Variants in LRRCC1 observed in about 807,000 individuals in gnomAD.
The protein encoded by LRRCC1 is leucine-rich repeat and coiled-coil domain-containing protein 1.
Under a neutral mutation model 126.0 loss-of-function variants are expected in LRRCC1, and 115 were observed. That is an observed-to-expected ratio of 0.91 (90% CI 0.78 to 1.07). LRRCC1 has a LOEUF of 1.07. Among genes scored for constraint, LRRCC1 ranks in the 50% least tolerant of loss-of-function variants. LRRCC1 has a pLI of 0.00. For missense variants in LRRCC1, 1,172 were observed against 1,175.7 expected (o/e 1.00, Z 0.05); for synonymous variants, 400 against 393.4 (o/e 1.02, Z -0.20).
intron 12 of LRRCC1, among the ~76,000 whole-genome samples, chr8:85,134,465 G>A (rs1810714601): frequency 6.6e-6 from 1 of 152,024 alleles, no homozygotes; most frequent in African/African-American, 2.4e-5. Flanking sequence ...TTTTACAGGT[G>A]TGCACCACCA....
chr8:85,120,543 C>T (rs1165557507), intron 6 of LRRCC1, among the ~76,000 whole-genome samples: 1 of 152,188 alleles, frequency 6.6e-6, no homozygotes, highest in African/African-American at 2.4e-5. Flanking sequence ...TATTCACTTA[C>T]CATGTGGTTC....
intron 5 of LRRCC1, 50 bp downstream of exon 5, chr8:85,115,325 C>A (rs1294029835): frequency 1.9e-6 from 3 of 1,562,856 alleles, no homozygotes; most frequent in African/African-American, 2.8e-5. Flanking sequence ...CTTCAAATTT[C>A]AATAAGTGAA....
intron 18 of LRRCC1, among the ~76,000 whole-genome samples, chr8:85,144,912 TAA>T (rs1236932924): frequency 7.0e-6 from 1 of 143,736 alleles, no homozygotes; most frequent in Non-Finnish European, 1.5e-5. Context: ...CTACTAAAAA[TAA>T]AAAAAAAATA....
chr8:85,126,576 C>A, intron 8 of LRRCC1, 113 bp from the exon 9 acceptor site: 1 of 862,914 alleles, frequency 1.2e-6, no homozygotes, highest in Non-Finnish European at 1.7e-6. Flanking sequence ...AAAAGTTTCA[C>A]TGTAGCTCTT....
chr8:85,127,948 C>G (rs187327328), intron 9 of LRRCC1, among the ~76,000 whole-genome samples: 227 of 152,278 alleles, frequency 1.5e-3, no homozygotes, highest in Middle Eastern at 3.4e-3. Flanking sequence ...AAACAGCACT[C>G]CTGCTTTCAG....
Position 85,115,104 on chromosome 8 carries a change from C to A in LRRCC1, c.549C>A (p.Tyr183Ter). ...TTTGAATGATTTGTTTCCAAGGGTACAGAGCAGTTATTCTCCAGACTTTGC... is the reference window on the plus strand; with the variant it reads ...TTTGAATGATTTGTTTCCAAGGGTAAAGAGCAGTTATTCTCCAGACTTTGC... ...DDNPVCRLPG[Y>*]RAVILQTLPQ... Residue 183 changes from tyrosine (Y) to a stop codon, truncating the protein, a stop_gained, in exon 5 of 19, where the codon TAC becomes TAA. Coordinates refer to ENST00000360375, the MANE Select transcript of LRRCC1 (RefSeq NM_033402.5). LOFTEE classifies it high-confidence loss of function. 6.3e-7 allele frequency: 1 copy of A among 1,592,370 alleles called. No individual in the cohort carries two copies. Among genetic ancestry groups the A allele is most frequent in the Non-Finnish European group, 8.5e-7 (1 of 1,171,782 alleles).
chr8:85,112,854 C>A (rs1808827479), intron 3 of LRRCC1, 78 bp from the exon 4 acceptor site: 3 of 1,073,606 alleles, frequency 2.8e-6, no homozygotes, highest in East Asian at 2.6e-5. Context: ...AAAAGTATAA[C>A]CTATCTAGCA....
intron 9 of LRRCC1, among the ~76,000 whole-genome samples, chr8:85,127,712 C>T (rs530806955): frequency 3.9e-5 from 6 of 152,162 alleles, no homozygotes; most frequent in Non-Finnish European, 8.8e-5. Flanking sequence ...TAGGTTGTAC[C>T]TGTGGAGTAT....
At chr8:85,133,944 A>T (rs1161285032) in intron 12 of LRRCC1, among the ~76,000 whole-genome samples, 1 of 152,146 alleles carries the variant, frequency 6.6e-6, no homozygotes, top group African/African-American at 2.4e-5. Flanking sequence ...AACACTTCAC[A>T]ATCTAACCCT....
At chr8:85,120,549 G>A (rs1292816616) in intron 6 of LRRCC1, among the ~76,000 whole-genome samples, 1 of 152,064 alleles carries the variant, frequency 6.6e-6, no homozygotes, top group Middle Eastern at 3.2e-3. Flanking sequence ...CTTACCATGT[G>A]GTTCACCCAT....
chr8:85,108,282 T>C (rs879823729), intron 1 of LRRCC1, among the ~76,000 whole-genome samples: 1 of 152,248 alleles, frequency 6.6e-6, no homozygotes, highest in Non-Finnish European at 1.5e-5. Flanking sequence ...AGGGACATTT[T>C]ACATTTCTAT....
Position 85,141,435 on chromosome 8 carries a change from A to T in LRRCC1, c.2894A>T (p.Asp965Val). ...GATGATGCCTTTAAAAGACAAGTTG[A>T]TGCAATTGTTGAAGCTCATCAAGCT... ...SMDDAFKRQV[D>V]AIVEAHQAEI... is the part of the protein sequence containing the mutation. Residue 965 changes from aspartate (D) to valine (V), a missense_variant, in exon 18 of 19, where the codon GAT (aspartate) becomes GTT (valine). Physicochemically the swap from Asp to Val is radical, Grantham distance 152. Transcript: ENST00000360375. 6.2e-7 allele frequency: 1 copy of T among 1,613,362 alleles called. No individual in the cohort carries two copies.
chr8:85,135,480 GT>G (rs1372661905), intron 13 of LRRCC1, among the ~76,000 whole-genome samples: 3 of 152,088 alleles, frequency 2.0e-5, no homozygotes, highest in Non-Finnish European at 4.4e-5. Flanking sequence ...CCCAAAATTT[GT>G]TTCTGGAAAA....
chr8:85,135,078 TTTCTC>T, intron 13 of LRRCC1, 46 bp downstream of exon 13: 1 of 1,347,424 alleles, frequency 7.4e-7, no homozygotes, highest in Admixed American at 2.8e-5. Context: ...TTTACATTAT[TTTCTC>T]AAGTGGGTTG....
intron 18 of LRRCC1, among the ~76,000 whole-genome samples, chr8:85,145,058 C>T (rs567688386): frequency 1.4e-3 from 211 of 148,042 alleles, no homozygotes; most frequent in Middle Eastern, 7.0e-3. Context: ...CCAGCCTGGG[C>T]GACAGAGCAA....
chr8:85,113,304 AT>A (rs555582653), intron 4 of LRRCC1, among the ~76,000 whole-genome samples: 17 of 152,156 alleles, frequency 1.1e-4, no homozygotes, highest in Non-Finnish European at 2.1e-4. Context: ...TGATGCTCCT[AT>A]TTAGGCAGTT....
At chr8:85,132,065 T>A in intron 12 of LRRCC1, 104 bp downstream of exon 12, 1 of 883,118 alleles carries the variant, frequency 1.1e-6, no homozygotes, top group Non-Finnish European at 1.7e-6. Context: ...GTTGGCTTCA[T>A]AATCTTAAGT....
At position 85,145,671 on chromosome 8, in the gene LRRCC1, T is replaced by G; in HGVS notation, c.*160T>G. ...GACTTTTGATCAAGTATTTATTAATTGTATAGGTTTTTTATAATAAATTGT... is the reference window on the plus strand; with the variant it reads ...GACTTTTGATCAAGTATTTATTAATGGTATAGGTTTTTTATAATAAATTGT... On this transcript the variant is annotated 3_prime_UTR_variant, in exon 19 of 19. Transcript: ENST00000360375. 2.2e-6 allele frequency: 1 copy of G among 449,240 alleles called. No individual in the cohort carries two copies. The highest frequency in any genetic ancestry group is 5.4e-5 in the South Asian group (1 of 18,550). The allele number at this position is 449,240 out of a possible 1,614,324, so 27.8% of individuals were successfully genotyped here.
chr8:85,120,354 G>A (rs1809445940), intron 6 of LRRCC1, among the ~76,000 whole-genome samples: 1 of 152,098 alleles, frequency 6.6e-6, no homozygotes, highest in Non-Finnish European at 1.5e-5. Flanking sequence ...ATGAAGAAGT[G>A]TTGAAATCTC....
Sources: gnomAD v4.1 joint callset for allele counts (sites outside exome capture counted in the v4.1 genomes callset) on GRCh38, gnomAD v4.1.1 for gene constraint, MANE v1.5 for transcripts, NCBI Gene and HGNC (gene_info 2026-07-23, HGNC 2026-07-21) for gene names.